ENG: variants seen among roughly 807,000 people sequenced by gnomAD.
The protein encoded by ENG is endoglin.
Under a neutral mutation model 71.0 loss-of-function variants are expected in ENG, and 17 were observed. That is an observed-to-expected ratio of 0.24 (90% confidence interval 0.16 to 0.36). ENG has a LOEUF of 0.36. ENG is among the 10% of genes least tolerant of loss of function. ENG has a pLI of 1.00. For synonymous variants in ENG, 360 were observed against 366.9 expected (o/e 0.98, Z 0.21); for missense variants, 749 against 868.3 (o/e 0.86, Z 1.73).
intron 10 of ENG, 47 bp from the exon 11 acceptor site, chr9:127,818,879 C>CCGG (rs1830402944): frequency 5.1e-6 from 8 of 1,565,110 alleles, no homozygotes; most frequent in Non-Finnish European, 7.0e-6. Flanking sequence ...CGGCGCCAGC[C>CCGG]AGGAGGGCGA....
At chr9:127,839,713 G>A (rs573181324) in intron 2 of ENG, among the ~76,000 whole-genome samples, 79 of 152,126 alleles carry the variant, frequency 5.2e-4, no homozygotes, top group African/African-American at 1.4e-3. Context: ...CTGCCACCAC[G>A]CCTGGCTAAT....
chr9:127,816,928 C>T (rs183151732), intron 13 of ENG: 24 of 610,428 alleles, frequency 3.9e-5, no homozygotes, highest in East Asian at 1.4e-4. Flanking sequence ...CCCCACAGGG[C>T]GGTCCCGGGC....
intron 1 of ENG, among the ~76,000 whole-genome samples, chr9:127,851,388 T>C (rs1206178384): frequency 1.3e-5 from 2 of 151,856 alleles, no homozygotes; most frequent in African/African-American, 4.8e-5. Flanking sequence ...CCTGGCTAAT[T>C]TTTGTATTTT....
At chr9:127,829,138 C>G (rs554939226) in intron 3 of ENG, among the ~76,000 whole-genome samples, 3 of 152,148 alleles carry the variant, frequency 2.0e-5, no homozygotes, top group Non-Finnish European at 2.9e-5. Flanking sequence ...GACCTGAAAA[C>G]TTGAGTTTTT....
rs186315094 is a variant in ENG, at chr9:127,815,791, C to T, written c.1868G>A (p.Arg623Gln). 20 of 1,546,150 alleles carry T rather than the reference C, an allele frequency of 1.3e-5. No individual in the cohort carries two copies. The African/African-American group carries it at 1.5e-4, about 12-fold the overall frequency. The change falls in exon 15 of 15, where the codon CGG becomes CAG. Residue 623 changes from arginine (R) to glutamine (Q), a missense_variant. Physicochemically the swap from Arg to Gln is conservative, Grantham distance 43. Transcript: ENST00000373203. ...IYSHTRSPSK[R>Q]EPVVAVAAPA... ...GGCAGCCACCGCCACCACGGGCTCC[C>T]GCTTGCTGGGGGAACCTGGGAGCGG...
At chr9:127,816,719 G>GTGGGCC (rs965376895) in intron 13 of ENG, 54 of 287,378 alleles carry the variant, frequency 1.9e-4, no homozygotes, top group African/African-American at 1.1e-3. Flanking sequence ...TCTGCCTGGT[G>GTGGGCC]TGGGCCTGGG....
Position 127,825,757 on chromosome 9 carries a change from C to G in ENG, c.627G>C (p.Leu209Phe), listed in dbSNP as rs763087751. ...RTPALVRGCHLEGVAGHKEAH... is the reference protein window; with the variant it reads ...RTPALVRGCHFEGVAGHKEAH... ...CCTCCTTGTGGCCGGCCACGCCTTC[C>G]AAGTGGCAGCCCCGGACCAAGGCTG... The change falls in exon 5 of 15, where the codon TTG becomes TTC. Residue 209 changes from leucine to phenylalanine, a missense_variant. Transcript: ENST00000373203. 8.1e-6 allele frequency: 13 copies of G among 1,600,274 alleles called. No individual in the cohort carries two copies. In the African/African-American group the frequency reaches 1.7e-4, roughly 21 times the overall value.
At chr9:127,824,511 GCT>G in intron 7 of ENG, 65 bp from the exon 8 acceptor site, 24 of 1,032,312 alleles carry the variant, frequency 2.3e-5, no homozygotes, top group South Asian at 7.3e-5. Flanking sequence ...CCCGCACCAG[GCT>G]TTTTTTTTTT....
rs1041729379 is a variant in ENG at position 127,832,069 on chromosome 9, C to CTTTTT, written c.220-2247_220-2243dup. ...GGAATTACAGACATGAGCTACCATTCTTTTTTTTTTTTTTTTTTTTTTTTG... is the reference window on the plus strand; with the variant it reads ...GGAATTACAGACATGAGCTACCATTCTTTTTTTTTTTTTTTTTTTTTTTTTTTTTG... On this transcript the variant is annotated intron_variant, in intron 2 of 14. Transcript: ENST00000373203. Among the ~76,000 whole-genome samples the CTTTTT allele has an allele frequency of 1.4e-3, 116 of 83,598 alleles. 2 individuals are homozygous for CTTTTT. Among genetic ancestry groups the CTTTTT allele is most frequent in the African/African-American group, 3.1e-3 (55 of 17,718 alleles). The allele number at this position is 83,598 out of a possible 152,430, so 54.8% of individuals were successfully genotyped here. A position where few individuals can be genotyped will look rare whatever the true frequency, so the allele number is the denominator to read the frequency against.
In ENG at chr9:127,815,793, C is replaced by G. The variant is rs796980915; in HGVS notation, c.1866G>C (p.Lys622Asn). 2.6e-6 allele frequency: 4 copies of G among 1,546,410 alleles called. No homozygotes were observed. Among genetic ancestry groups the G allele is most frequent in the East Asian group, 2.4e-5 (1 of 40,994 alleles). Residue 622 changes from lysine to asparagine, a missense_variant, in exon 15 of 15, where the codon AAG becomes AAC. Coordinates refer to ENST00000373203, the MANE Select transcript of ENG (RefSeq NM_001114753.3). ...YIYSHTRSPS[K>N]REPVVAVAAP... ...CAGCCACCGCCACCACGGGCTCCCGCTTGCTGGGGGAACCTGGGAGCGGGA... is the reference window on the plus strand; with the variant it reads ...CAGCCACCGCCACCACGGGCTCCCGGTTGCTGGGGGAACCTGGGAGCGGGA...
intron 13 of ENG, chr9:127,816,266 A>T: frequency 3.1e-6 from 2 of 653,386 alleles, no homozygotes; most frequent in South Asian, 3.6e-5. Flanking sequence ...TAGAGGGCCC[A>T]GCCAGGCCTT....
At chr9:127,851,497 T>C (rs993770349) in intron 1 of ENG, among the ~76,000 whole-genome samples, 1 of 151,940 alleles carries the variant, frequency 6.6e-6, no homozygotes, top group African/African-American at 2.4e-5. Flanking sequence ...GTGCTGGGAT[T>C]AGAGGCGTGA....
At chr9:127,829,892 C>T (rs896251470) in intron 2 of ENG, 65 bp from the exon 3 acceptor site, 2 of 1,607,720 alleles carry the variant, frequency 1.2e-6, no homozygotes, top group South Asian at 2.2e-5. Context: ...GCCACCCAGA[C>T]AGGCAGTGAT....
Position 127,836,843 on chromosome 9 carries a change from A to T in ENG, c.219+6251T>A, listed in dbSNP as rs1037023148. 6.6e-6 allele frequency among the ~76,000 whole-genome samples: 1 copy of T among 152,280 alleles called. No individual in the cohort carries two copies. Among genetic ancestry groups the T allele is most frequent in the Non-Finnish European group, 1.5e-5 (1 of 68,014 alleles). On this transcript the variant is annotated intron_variant, in intron 2 of 14. Coordinates refer to ENST00000373203, the MANE Select transcript of ENG (RefSeq NM_001114753.3). This position sits in a 1 kb window ranked among gnomAD's most constrained non-coding sequence, Gnocchi z 4.0. ...TGCTCTGTCACTCAGGCTGGAGTAC[A>T]GTGGCACGATCTCGGCTCACTGCAA...
intron 9 of ENG, 28 bp from the exon 10 acceptor site, chr9:127,819,688 C>T (rs1373557824): frequency 6.3e-7 from 1 of 1,599,362 alleles, no homozygotes; most frequent in Admixed American, 1.8e-5. Flanking sequence ...GGGAGCTGGT[C>T]AGAGCCAGAA....
At chr9:127,819,045 C>T (rs1278922776) in intron 10 of ENG, among the ~76,000 whole-genome samples, 2 of 151,734 alleles carry the variant, frequency 1.3e-5, no homozygotes, top group Non-Finnish European at 2.9e-5. Context: ...TCATGCCATT[C>T]TCCTACCTCA....
chr9:127,826,988 T>G, intron 3 of ENG: 4 of 378,544 alleles, frequency 1.1e-5, no homozygotes, highest in Non-Finnish European at 2.0e-5. Flanking sequence ...TCTCTCCCTA[T>G]ACCCTGAGGC....
In ENG at chr9:127,819,978, G is replaced by T; in HGVS notation, c.1194C>A (p.Asp398Glu). 6.2e-7 allele frequency: 1 copy of T among 1,614,186 alleles called. No individual in the cohort carries two copies. The highest frequency in any genetic ancestry group is 1.3e-5 in the African/African-American group (1 of 75,060). ...TGCGCAAGACAAACTTGTCACCCCT[G>T]TCCTCTGCCTCACAGCTGGGGTCCC... ...TFWDPSCEAE[D>E]RGDKFVLRSA... The change falls in exon 9 of 15, where the codon GAC becomes GAA. Residue 398 changes from aspartate (D) to glutamate (E), a missense_variant. Physicochemically the swap from Asp to Glu is conservative, Grantham distance 45. Coordinates refer to ENST00000373203, the MANE Select transcript of ENG (RefSeq NM_001114753.3).
chr9:127,852,301 T>C (rs1317682393), intron 1 of ENG, among the ~76,000 whole-genome samples: 2 of 152,170 alleles, frequency 1.3e-5, no homozygotes, highest in African/African-American at 4.8e-5. Context: ...AGGTACAGTT[T>C]TAGGAGATTC....
Sources: gnomAD v4.1 joint callset for allele counts (sites outside exome capture counted in the v4.1 genomes callset) on GRCh38, gnomAD v4.1.1 for gene constraint, Gnocchi (gnomAD v3.1) non-coding constraint, MANE v1.5 for transcripts, NCBI Gene and HGNC (gene_info 2026-07-23, HGNC 2026-07-21) for gene names.